DENND1A: variants seen among roughly 807,000 people sequenced by gnomAD.
DENND1A encodes the protein DENN domain-containing protein 1A.
A neutral mutation model predicts 113.7 loss-of-function variants in DENND1A; 51 were observed. That is an observed-to-expected ratio of 0.45 (90% CI 0.36 to 0.57). The LOEUF (loss-of-function observed/expected upper bound fraction) is 0.57. Ranked by LOEUF, DENND1A falls within the 20% of genes least tolerant of loss-of-function variation. The pLI is 0.00. For synonymous variants in DENND1A, 565 were observed against 570.8 expected, an observed-to-expected ratio of 0.99 and a Z score of 0.14; for missense variants, 1,258 against 1,395.9, an observed-to-expected ratio of 0.90 and a Z score of 1.57.
chr9:123,599,775 T>C (rs147181329), intron 11 of DENND1A, among the ~76,000 whole-genome samples: 161 of 152,330 alleles, frequency 1.1e-3, no homozygotes, highest in African/African-American at 3.7e-3. Context: ...AAATGCCGGA[T>C]TTCGGCTTGC....
chr9:123,873,873 G>T (rs1048304807), intron 2 of DENND1A, among the ~76,000 whole-genome samples: 4 of 152,054 alleles, frequency 2.6e-5, no homozygotes, highest in Non-Finnish European at 1.5e-5. Context: ...CACCCGAGCA[G>T]CTGGGACTAC....
intron 13 of DENND1A, among the ~76,000 whole-genome samples, chr9:123,489,209 G>A (rs1368593254): frequency 2.0e-5 from 3 of 152,226 alleles, no homozygotes; most frequent in Non-Finnish European, 4.4e-5. Context: ...CCAAAAGCAA[G>A]TGATCTGAAG....
At chr9:123,665,798 G>T (rs2063467815) in intron 8 of DENND1A, among the ~76,000 whole-genome samples, 1 of 152,158 alleles carries the variant, frequency 6.6e-6, no homozygotes, top group African/African-American at 2.4e-5. Flanking sequence ...AATATCTATT[G>T]ATCTCAGCAT....
chr9:123,699,099 T>TACCTG (rs2065711403), intron 5 of DENND1A, among the ~76,000 whole-genome samples: 2 of 151,430 alleles, frequency 1.3e-5, no homozygotes, highest in African/African-American at 4.9e-5. Context: ...TGGAGCCAAC[T>TACCTG]AAAGAGCTGT....
At chr9:123,579,493 G>A (rs1035560642) in intron 12 of DENND1A, among the ~76,000 whole-genome samples, 1 of 152,290 alleles carries the variant, frequency 6.6e-6, no homozygotes, top group East Asian at 1.9e-4. Flanking sequence ...TCACTCTGGG[G>A]CATGAGGCGG....
chr9:123,708,817 C>T (rs1026768115), intron 5 of DENND1A, among the ~76,000 whole-genome samples: 6 of 152,120 alleles, frequency 3.9e-5, no homozygotes, highest in African/African-American at 1.4e-4. Context: ...TTCTCAGTAC[C>T]TAAGACTTGA....
At chr9:123,631,190 C>A (rs1361449712) in intron 9 of DENND1A, among the ~76,000 whole-genome samples, 1 of 152,148 alleles carries the variant, frequency 6.6e-6, no homozygotes, top group Non-Finnish European at 1.5e-5. Context: ...CCCCCGACCC[C>A]CAGCCATACA....
At chr9:123,627,813 G>T (rs868729525) in intron 10 of DENND1A, among the ~76,000 whole-genome samples, 1 of 151,486 alleles carries the variant, frequency 6.6e-6, no homozygotes, top group Admixed American at 6.6e-5. Context: ...ACAAAGACTT[G>T]AAGCAAGGAG....
rs1403957996 is a variant in DENND1A, at chr9:123,381,553, G to C, written c.3092C>G (p.Ala1031Gly). ...PTLQPSAPQQ[A>G]RDPFEDLLQK... Reference sequence around the variant, plus strand: ...TAACAAATCCTCAAAGGGGTCTCTGGCCTGTTGAGGAGCAGAGGGCTGCAG... The same window carrying C: ...TAACAAATCCTCAAAGGGGTCTCTGCCCTGTTGAGGAGCAGAGGGCTGCAG... Residue 1031 changes from alanine (A) to glycine (G), a missense_variant, in exon 24 of 24, where the codon GCC (alanine) becomes GGC (glycine). Coordinates refer to ENST00000394215, the MANE Select transcript of DENND1A (RefSeq NM_001352964.2). This position sits in a 1 kb window ranked among gnomAD's most constrained non-coding sequence, Gnocchi z 4.7. 6.2e-7 allele frequency: 1 copy of C among 1,613,642 alleles called. No homozygotes were observed. Among genetic ancestry groups the C allele is most frequent in the Non-Finnish European group, 8.5e-7 (1 of 1,179,992 alleles).
At chr9:123,810,700 G>A (rs1421110483) in intron 2 of DENND1A, among the ~76,000 whole-genome samples, 1 of 151,534 alleles carries the variant, frequency 6.6e-6, no homozygotes, top group Non-Finnish European at 1.5e-5. Context: ...GCCATGGGTT[G>A]GACAAACTTG....
intron 21 of DENND1A, among the ~76,000 whole-genome samples, chr9:123,399,468 T>C (rs1303934494): frequency 6.6e-6 from 1 of 151,942 alleles, no homozygotes; most frequent in East Asian, 1.9e-4. Context: ...CCAGGGCTCA[T>C]GCAATTCTCA....
intron 13 of DENND1A, among the ~76,000 whole-genome samples, chr9:123,487,710 G>A (rs1447863423): frequency 1.3e-5 from 2 of 152,096 alleles, no homozygotes; most frequent in Non-Finnish European, 2.9e-5. Flanking sequence ...ATGTCCTGCA[G>A]AATCAACAGC....
chr9:123,440,383 G>A lies in DENND1A; in HGVS notation c.1465C>T (p.Pro489Ser), dbSNP rs1381682407. Residue 489 changes from proline (P) to serine (S), a missense_variant, in exon 19 of 24, where the codon CCA becomes TCA. By Grantham distance (74) the Pro-to-Ser change is moderately conservative. Coordinates refer to ENST00000394215, the MANE Select transcript of DENND1A (RefSeq NM_001352964.2). ...ACCTGTCCAAAGTGGACTGTGATTG[G>A]CCGCCGGTCTTCTCGGAGCTTGGGG... is the stretch of plus-strand genomic sequence containing the variant. ...KDPKLREDRR[P>S]ITVHFGQLQR... The A allele has an allele frequency of 6.2e-7, 1 of 1,601,724 alleles. No homozygotes were observed. Among genetic ancestry groups the A allele is most frequent in the African/African-American group, 1.4e-5 (1 of 73,382 alleles).
At chr9:123,637,171 G>T (rs1402208522) in intron 9 of DENND1A, among the ~76,000 whole-genome samples, 1 of 152,128 alleles carries the variant, frequency 6.6e-6, no homozygotes, top group East Asian at 1.9e-4. Flanking sequence ...TGCTTCACAG[G>T]GTTAGAGGCA....
In DENND1A at chr9:123,764,344, A is replaced by G. The variant is rs970777989; in HGVS notation, c.182+5170T>C. On this transcript the variant is annotated intron_variant, in intron 4 of 23. Transcript: ENST00000394215. The surrounding 1 kb of genome is among the most constrained non-coding windows in gnomAD (Gnocchi z 4.1). Reference sequence around the variant, plus strand: ...GCTTACCGACAATTATCTGTTGTCCATGGCAGGGCACCTAACAGACACTTT... The same window carrying G: ...GCTTACCGACAATTATCTGTTGTCCGTGGCAGGGCACCTAACAGACACTTT... 3.9e-5 allele frequency among the ~76,000 whole-genome samples: 6 copies of G among 152,244 alleles called. No individual in the cohort carries two copies. The highest frequency in any genetic ancestry group is 1.4e-4 in the African/African-American group (6 of 41,462).
chr9:123,429,798 T>A (rs554206893), intron 19 of DENND1A, among the ~76,000 whole-genome samples: 30 of 152,190 alleles, frequency 2.0e-4, no homozygotes, highest in Non-Finnish European at 3.7e-4. Flanking sequence ...AAAAATTTCA[T>A]GACGAAAATG....
intron 2 of DENND1A, among the ~76,000 whole-genome samples, chr9:123,865,666 T>C (rs1845711559): frequency 6.6e-6 from 1 of 152,248 alleles, no homozygotes; most frequent in African/African-American, 2.4e-5. Flanking sequence ...CTGTGCTTAA[T>C]TCTTTAAATA....
At chr9:123,568,342 T>G (rs943739640) in intron 12 of DENND1A, among the ~76,000 whole-genome samples, 1 of 152,222 alleles carries the variant, frequency 6.6e-6, no homozygotes, top group African/African-American at 2.4e-5. Flanking sequence ...TTCTTTTTTT[T>G]GCAGGATTCT....
rs2057499544 is a variant in DENND1A, at chr9:123,557,691, G to A, written c.872C>T (p.Ser291Phe). 6.2e-7 allele frequency: 1 copy of A among 1,613,662 alleles called. No homozygotes were observed. The highest frequency in any genetic ancestry group is 8.5e-7 in the Non-Finnish European group (1 of 1,179,830). The change falls in exon 13 of 24, where the codon TCT becomes TTT. Residue 291 changes from serine (S) to phenylalanine (F), a missense_variant. By Grantham distance (155) the Ser-to-Phe change is radical. Coordinates refer to ENST00000394215, the MANE Select transcript of DENND1A (RefSeq NM_001352964.2). ...CTTTTTCAGCCTGTTCTTCAGGGAA[G>A]AGATCTGGTGATGGAGAGAAGGAAA... is the stretch of plus-strand genomic sequence containing the variant. ...DLQSLPNDVI[S>F]SLKNRLKKVS...
Sources: allele counts gnomAD v4.1 joint callset (sites outside exome capture counted in the v4.1 genomes callset), GRCh38; gene constraint gnomAD v4.1.1; non-coding constraint Gnocchi (gnomAD v3.1); transcripts MANE v1.5; gene names NCBI Gene and HGNC (gene_info 2026-07-23, HGNC 2026-07-21).